Variants in SLC35F3 observed in about 807,000 individuals in gnomAD.
SLC35F3 encodes the protein solute carrier family 35 member F3.
In SLC35F3, 25 loss-of-function variants were observed where a neutral mutation model predicts 49.9. That is an observed-to-expected ratio of 0.50 (90% CI 0.37 to 0.70). The LOEUF (loss-of-function observed/expected upper bound fraction) is 0.70, where lower values mean the gene tolerates loss of function less well. Ranked by LOEUF, SLC35F3 falls within the 30% of genes least tolerant of loss-of-function variation. SLC35F3 has a pLI of 0.00. For synonymous variants in SLC35F3, 275 were observed against 265.4 expected, an observed-to-expected ratio of 1.04 and a Z score of -0.35; for missense variants, 525 against 639.8, an observed-to-expected ratio of 0.82 and a Z score of 1.94.
intron 2 of SLC35F3, among the ~76,000 whole-genome samples, chr1:233,991,928 A>C (rs1437688665): frequency 6.6e-6 from 1 of 152,212 alleles, no homozygotes; most frequent in East Asian, 1.9e-4. Context: ...AAGCCTGTGA[A>C]TTTTCCTAAC....
chr1:234,046,414 C>T lies in SLC35F3; in HGVS notation c.283+140656C>T, dbSNP rs1181628658. 6.6e-6 allele frequency among the ~76,000 whole-genome samples: 1 copy of T among 152,136 alleles called. No homozygotes were observed. The highest frequency in any genetic ancestry group is 1.9e-4 in the East Asian group (1 of 5,198). ...TATTTTCATATTCAAGTGTCCTCTT[C>T]ACTAAATTGCTGCTCATTGTGTTCA... On this transcript the variant is annotated intron_variant, in intron 2 of 7. Coordinates refer to ENST00000366618, the MANE Select transcript of SLC35F3 (RefSeq NM_173508.4). This position sits in a 1 kb window ranked among gnomAD's most constrained non-coding sequence, Gnocchi z 4.4.
At chr1:233,954,208 G>A (rs112851451) in intron 2 of SLC35F3, among the ~76,000 whole-genome samples, 17,369 of 152,160 alleles carry the variant, frequency 0.11, 1,232 homozygotes, top group Non-Finnish European at 0.16. Flanking sequence ...ATATTTCGCC[G>A]TGTTAGCCAG....
At chr1:234,290,712 A>G (rs1049101244) in intron 3 of SLC35F3, among the ~76,000 whole-genome samples, 1 of 152,204 alleles carries the variant, frequency 6.6e-6, no homozygotes, top group African/African-American at 2.4e-5. Context: ...ACCAGCTCAA[A>G]CTAGCTTAAG....
intron 2 of SLC35F3, among the ~76,000 whole-genome samples, chr1:234,038,073 A>C (rs970302105): frequency 6.6e-6 from 1 of 151,010 alleles, no homozygotes; most frequent in African/African-American, 2.4e-5. Context: ...TTAACTTGTC[A>C]TTTAGCATTA....
chr1:234,280,126 T>A (rs981173645), intron 3 of SLC35F3, among the ~76,000 whole-genome samples: 2 of 152,216 alleles, frequency 1.3e-5, no homozygotes, highest in African/African-American at 4.8e-5. Context: ...TCCCTTCCCA[T>A]ATAGAACATA....
intron 2 of SLC35F3, among the ~76,000 whole-genome samples, chr1:234,174,698 T>C (rs947575095): frequency 6.6e-6 from 1 of 152,168 alleles, no homozygotes; most frequent in Non-Finnish European, 1.5e-5. Context: ...AGAAAGCACA[T>C]CCCTGGAGAA....
At chr1:234,181,317 C>T (rs1180850342) in intron 2 of SLC35F3, among the ~76,000 whole-genome samples, 5 of 121,612 alleles carry the variant, frequency 4.1e-5, no homozygotes, top group East Asian at 2.2e-4. Flanking sequence ...GTCTGGGTGA[C>T]GGAGTGAGAC....
intron 2 of SLC35F3, among the ~76,000 whole-genome samples, chr1:234,109,862 G>A (rs1665378791): frequency 6.6e-6 from 1 of 152,178 alleles, no homozygotes; most frequent in Non-Finnish European, 1.5e-5. Context: ...CTTTCTTAGA[G>A]AAGGAGGCAT....
At chr1:234,250,830 T>A (rs550163001) in intron 3 of SLC35F3, among the ~76,000 whole-genome samples, 126 of 152,260 alleles carry the variant, frequency 8.3e-4, no homozygotes, top group Middle Eastern at 3.4e-3. Context: ...CACCACACTC[T>A]TTTTAACAAT....
chr1:234,178,161 C>T (rs1666503525), intron 2 of SLC35F3, among the ~76,000 whole-genome samples: 1 of 152,156 alleles, frequency 6.6e-6, no homozygotes, highest in Non-Finnish European at 1.5e-5. Flanking sequence ...CTCTGAAAGA[C>T]TATTATCATT....
chr1:234,310,196 A>T (rs1657311385), intron 4 of SLC35F3, among the ~76,000 whole-genome samples: 1 of 152,148 alleles, frequency 6.6e-6, no homozygotes, highest in Non-Finnish European at 1.5e-5. Context: ...GCATTTAGCC[A>T]GGCCGCTAGT....
chr1:234,194,159 A>G (rs1666770960), intron 2 of SLC35F3, among the ~76,000 whole-genome samples: 1 of 152,242 alleles, frequency 6.6e-6, no homozygotes, highest in Admixed American at 6.5e-5. Context: ...TTGCATACGC[A>G]AGCTTATAGC....
rs145484320 is a variant in SLC35F3, at chr1:234,051,598, G to C, written c.283+145840G>C. Among the ~76,000 whole-genome samples, 1,221 of 152,274 alleles carry C rather than the reference G, an allele frequency of 8.0e-3. 8 individuals are homozygous for C. The highest frequency in any genetic ancestry group is 0.024 in the Middle Eastern group (7 of 294). On this transcript the variant is annotated intron_variant, in intron 2 of 7. Transcript: ENST00000366618. ...TGTCATCTGCAAACAGAGACAATTT[G>C]ACTTCCTGTTTTCCTAGTTGAATAC...
chr1:234,228,123 C>G lies in SLC35F3; in HGVS notation c.284-3294C>G, dbSNP rs562488744. Among the ~76,000 whole-genome samples, 45 of 152,326 alleles carry G rather than the reference C, an allele frequency of 3.0e-4. 1 individual carries two copies. Among genetic ancestry groups the G allele is most frequent in the African/African-American group, 9.6e-4 (40 of 41,574 alleles). Reference sequence around the variant, plus strand: ...GTCCCTTCAGCAAACCTGGCAGTTTCTCCTGTGGCATGTCTAACCAAAGCA... The same window carrying G: ...GTCCCTTCAGCAAACCTGGCAGTTTGTCCTGTGGCATGTCTAACCAAAGCA... On this transcript the variant is annotated intron_variant, in intron 2 of 7. Coordinates refer to ENST00000366618, the MANE Select transcript of SLC35F3 (RefSeq NM_173508.4).
At chr1:233,980,353 A>G (rs1335854608) in intron 2 of SLC35F3, among the ~76,000 whole-genome samples, 3 of 152,210 alleles carry the variant, frequency 2.0e-5, no homozygotes, top group Non-Finnish European at 4.4e-5. Context: ...ATGATGGCCC[A>G]TAAAAAGCCC....
intron 2 of SLC35F3, among the ~76,000 whole-genome samples, chr1:234,003,527 T>C (rs1572015949): frequency 6.6e-6 from 1 of 152,184 alleles, no homozygotes; most frequent in African/African-American, 2.4e-5. Context: ...AATCCAAACA[T>C]TAAAAAATGA....
chr1:234,271,832 G>A (rs1668111092), intron 3 of SLC35F3, among the ~76,000 whole-genome samples: 1 of 152,140 alleles, frequency 6.6e-6, no homozygotes, highest in Non-Finnish European at 1.5e-5. Flanking sequence ...AGAAATGTGT[G>A]AAGAGAACAA....
chr1:234,265,411 G>A (rs995305332), intron 3 of SLC35F3, among the ~76,000 whole-genome samples: 2 of 151,576 alleles, frequency 1.3e-5, no homozygotes, highest in Admixed American at 6.6e-5. Flanking sequence ...GGACTCAAGC[G>A]ATCCTCCCGC....
intron 3 of SLC35F3, among the ~76,000 whole-genome samples, chr1:234,242,255 C>T (rs1667564896): frequency 6.6e-6 from 1 of 152,252 alleles, no homozygotes; most frequent in South Asian, 2.1e-4. Context: ...GATGGGGCCA[C>T]ATGCCTACCC....
Sources: allele counts gnomAD v4.1 joint callset (sites outside exome capture counted in the v4.1 genomes callset), GRCh38; gene constraint gnomAD v4.1.1; non-coding constraint Gnocchi (gnomAD v3.1); transcripts MANE v1.5; gene names NCBI Gene and HGNC (gene_info 2026-07-23, HGNC 2026-07-21).